BRF1: variants seen among roughly 807,000 people sequenced by gnomAD.
The protein encoded by BRF1 is BRF1 general transcription factor IIIB subunit.
Under a neutral mutation model 81.7 loss-of-function variants are expected in BRF1, and 59 were observed. The observed-to-expected ratio is 0.72, with a 90% CI of 0.59 to 0.90. The LOEUF is 0.90. Among genes scored for constraint, BRF1 ranks in the 40% least tolerant of loss-of-function variants. BRF1 has a pLI of 0.00. For missense variants in BRF1, 1,050 were observed against 936.3 expected, an observed-to-expected ratio of 1.12 and a Z score of -1.58; for synonymous variants, 491 against 395.6, an observed-to-expected ratio of 1.24 and a Z score of -2.86.
At chr14:105,250,870 G>A in intron 5 of BRF1, 2 of 628,348 alleles carry the variant, frequency 3.2e-6, no homozygotes, top group Non-Finnish European at 5.6e-6. Context: ...CTGGTACAGT[G>A]GGGTGCACGT....
intron 2 of BRF1, among the ~76,000 whole-genome samples, chr14:105,280,490 C>T (rs1004614377): frequency 2.0e-5 from 3 of 152,270 alleles, no homozygotes; most frequent in South Asian, 4.1e-4. Flanking sequence ...GAACACGCAC[C>T]GCCCAGCGTG....
intron 1 of BRF1, among the ~76,000 whole-genome samples, chr14:105,292,193 T>C (rs2140511571): frequency 6.6e-6 from 1 of 152,148 alleles, no homozygotes; most frequent in Non-Finnish European, 1.5e-5. Flanking sequence ...GTTTGTTTTT[T>C]TGAAGACAAG....
At chr14:105,289,174 C>T (rs970864218) in intron 1 of BRF1, among the ~76,000 whole-genome samples, 1 of 151,904 alleles carries the variant, frequency 6.6e-6, no homozygotes, top group South Asian at 2.1e-4. Context: ...TAGCAAGATC[C>T]CATCTCTACA....
At position 105,315,015 on chromosome 14, in the gene BRF1, T is replaced by C. The variant is rs750737597; in HGVS notation, c.-162+307A>G. The C allele has an allele frequency of 4.0e-6, 5 of 1,238,194 alleles. No individual in the cohort carries two copies. In the South Asian group the frequency reaches 5.2e-5, roughly 13 times the overall value. The allele number at this position is 1,238,194 out of a possible 1,614,324, so 76.7% of individuals were successfully genotyped here. Reference sequence around the variant, plus strand: ...GTTCGCCACCTGGGAGGTGGACGGCTCCAGCCCCAGCTGCGTGCCCAGGTA... The same window carrying C: ...GTTCGCCACCTGGGAGGTGGACGGCCCCAGCCCCAGCTGCGTGCCCAGGTA... On this transcript the variant is annotated intron_variant, in intron 1 of 17. Coordinates refer to the BRF1 transcript ENST00000327359. The surrounding 1 kb of genome is among the most constrained non-coding windows in gnomAD (Gnocchi z 4.4).
intron 1 of BRF1, among the ~76,000 whole-genome samples, chr14:105,311,653 G>A (rs1165001368): frequency 1.3e-5 from 2 of 152,102 alleles, no homozygotes; most frequent in Admixed American, 6.5e-5. Context: ...CTACAACCCC[G>A]GGGTTGATTC....
intron 1 of BRF1, among the ~76,000 whole-genome samples, chr14:105,297,065 C>T (rs587767065): frequency 1.3e-5 from 2 of 151,270 alleles, no homozygotes; most frequent in South Asian, 2.1e-4. Context: ...GGCTGAGGCA[C>T]GAGAATCGCT....
chr14:105,286,079 G>C (rs1282858750), intron 2 of BRF1, among the ~76,000 whole-genome samples: 3 of 152,198 alleles, frequency 2.0e-5, no homozygotes, highest in East Asian at 1.9e-4. Flanking sequence ...GGATCCACTG[G>C]GTTCTCCCCA....
At chr14:105,290,376 G>A (rs1195423156) in intron 1 of BRF1, among the ~76,000 whole-genome samples, 2 of 152,062 alleles carry the variant, frequency 1.3e-5, no homozygotes, top group Admixed American at 6.6e-5. Context: ...CCGAGATCGC[G>A]CCATTGCACT....
At chr14:105,211,949 C>T in intron 16 of BRF1, 164 bp downstream of exon 16, 2 of 1,054,038 alleles carry the variant, frequency 1.9e-6, no homozygotes, top group Non-Finnish European at 2.8e-6. Context: ...AGCTCCCACC[C>T]TCGGGCCTCG....
At position 105,212,018 on chromosome 14, in the gene BRF1, T is replaced by C. The variant is rs757359277; in HGVS notation, c.1824+95A>G. On this transcript the variant is annotated intron_variant, in intron 16 of 17. Transcript: ENST00000547530. ...CAGGGGCAGGCGCCTCTGTCAGGCC[T>C]GCTCTCCCTGTGGTCACAGACCAAG... 5 of 1,537,632 alleles carry C rather than the reference T, an allele frequency of 3.3e-6. No homozygotes were observed. In the South Asian group the frequency reaches 4.7e-5, roughly 15 times the overall value.
intron 6 of BRF1, 49 bp from the exon 7 acceptor site, chr14:105,228,962 C>T (rs1219772012): frequency 4.5e-6 from 7 of 1,568,402 alleles, no homozygotes; most frequent in East Asian, 2.2e-5. Context: ...GGAACCAGGG[C>T]AACATCTGTG....
chr14:105,247,721 C>T (rs1318306630), intron 5 of BRF1: 1 of 985,374 alleles, frequency 1.0e-6, no homozygotes, highest in Non-Finnish European at 1.2e-6. Flanking sequence ...CCTGGCGGTC[C>T]AGGAGGTTGC....
At chr14:105,282,084 CAG>C (rs1410494430) in intron 2 of BRF1, among the ~76,000 whole-genome samples, 1 of 152,198 alleles carries the variant, frequency 6.6e-6, no homozygotes, top group Non-Finnish European at 1.5e-5. Context: ...ATTTTAAAAA[CAG>C]AGATCAAAAC....
intron 1 of BRF1, among the ~76,000 whole-genome samples, chr14:105,297,335 G>A (rs917399993): frequency 3.3e-5 from 5 of 151,824 alleles, no homozygotes; most frequent in South Asian, 2.1e-4. Context: ...TTGGGAGGCC[G>A]AAGAGGGCGG....
chr14:105,209,427 G>C lies in BRF1; in HGVS notation c.*1124C>G, dbSNP rs1008987568. ...GTCTGGCCTGCTGCGGGCCAAGTTG[G>C]GGCAGGACATACAGCCCATTCCATG... On this transcript the variant is annotated 3_prime_UTR_variant, in exon 18 of 18. Transcript: ENST00000547530. The C allele has an allele frequency of 1.8e-4, 122 of 686,240 alleles. No individual in the cohort carries two copies. Among genetic ancestry groups the C allele is most frequent in the Non-Finnish European group, 8.0e-6 (3 of 376,488 alleles). The allele number at this position is 686,240 out of a possible 1,614,324, so 42.5% of individuals were successfully genotyped here.
chr14:105,215,726 A>ATG, intron 15 of BRF1, among the ~76,000 whole-genome samples: 2 of 60,444 alleles, frequency 3.3e-5, no homozygotes, highest in African/African-American at 3.5e-4. Flanking sequence ...ACACACATGC[A>ATG]CACACACACA....
At chr14:105,296,739 AG>A (rs2140545117) in intron 1 of BRF1, among the ~76,000 whole-genome samples, 1 of 152,264 alleles carries the variant, frequency 6.6e-6, no homozygotes, top group South Asian at 2.1e-4. Flanking sequence ...GCAAAGCCAT[AG>A]GAAACAGGAC....
intron 4 of BRF1, among the ~76,000 whole-genome samples, chr14:105,252,784 G>C (rs963494393): frequency 1.3e-5 from 2 of 152,232 alleles, no homozygotes; most frequent in African/African-American, 4.8e-5. Flanking sequence ...CGCTGCTTTA[G>C]GCCGTGCTGC....
intron 10 of BRF1, among the ~76,000 whole-genome samples, chr14:105,222,847 C>G (rs1169718065): frequency 1.3e-5 from 2 of 152,296 alleles, no homozygotes; most frequent in African/African-American, 2.4e-5. Context: ...CCAGGATGGT[C>G]TTGATCTCCT....
Sources: gnomAD v4.1 joint callset for allele counts (sites outside exome capture counted in the v4.1 genomes callset) on GRCh38, gnomAD v4.1.1 for gene constraint, Gnocchi (gnomAD v3.1) non-coding constraint, MANE v1.5 for transcripts, NCBI Gene and HGNC (gene_info 2026-07-23, HGNC 2026-07-21) for gene names.